PLCB4: variants seen among roughly 807,000 people sequenced by gnomAD.
PLCB4 encodes phospholipase C beta 4, also known as 1-phosphatidylinositol 4,5-bisphosphate phosphodiesterase beta-4.
In PLCB4, 77 loss-of-function variants were observed where a neutral mutation model predicts 178.8. That is an observed-to-expected ratio of 0.43 (90% CI 0.36 to 0.52). The LOEUF (loss-of-function observed/expected upper bound fraction) is 0.52. Among genes scored for constraint, PLCB4 ranks in the 20% least tolerant of loss-of-function variants. PLCB4 has a pLI of 0.00. For synonymous variants in PLCB4, 496 were observed against 490.8 expected (o/e 1.01, Z -0.14); for missense variants, 1,024 against 1,453.4 (o/e 0.70, Z 4.80).
Position 9,401,414 on chromosome 20 carries a change from A to G in PLCB4, c.1511-76A>G. On this transcript the variant is annotated intron_variant, in intron 19 of 39. Transcript: ENST00000378473. ...TTTTCTCTAAAAGTGCTTATGTTCT[A>G]CCCAAGATTGTGAACAAGGTCTGAC... The G allele has an allele frequency of 3.2e-6, 3 of 948,940 alleles. No individual in the cohort carries two copies. The South Asian group carries it at 4.1e-5, about 13-fold the overall frequency. 58.8% of individuals were successfully genotyped at this position (948,940 alleles called of 1,614,324 possible).
intron 2 of PLCB4, among the ~76,000 whole-genome samples, chr20:9,192,591 T>G (rs560819654): frequency 1.3e-5 from 2 of 149,500 alleles, no homozygotes; most frequent in East Asian, 4.1e-4. Flanking sequence ...AGTGGTGTGA[T>G]CACCGTTCAC....
intron 13 of PLCB4, among the ~76,000 whole-genome samples, chr20:9,382,479 T>C (rs2037225851): frequency 6.6e-6 from 1 of 152,224 alleles, no homozygotes; most frequent in African/African-American, 2.4e-5. Flanking sequence ...TGATGTAGCC[T>C]TTGGCTCCAT....
intron 3 of PLCB4, among the ~76,000 whole-genome samples, chr20:9,259,519 GAAAGAGAGGTTTAAAT>G (rs2094274865): frequency 6.6e-6 from 1 of 152,028 alleles, no homozygotes; most frequent in African/African-American, 2.4e-5. Context: ...GGTGAATTAA[GAAAGAGAGGTTTAAAT>G]ACAAGGCTGT....
intron 3 of PLCB4, among the ~76,000 whole-genome samples, chr20:9,272,287 G>T (rs559858944): frequency 1.3e-5 from 2 of 152,120 alleles, no homozygotes; most frequent in East Asian, 1.9e-4. Flanking sequence ...AATGAGGTTC[G>T]CTGTATCACT....
chr20:9,368,472 A>G (rs1315499110), intron 9 of PLCB4, among the ~76,000 whole-genome samples: 2 of 151,976 alleles, frequency 1.3e-5, no homozygotes. Context: ...GTAGCCAGAC[A>G]GTAGTTGTGG....
intron 35 of PLCB4, among the ~76,000 whole-genome samples, chr20:9,464,876 C>T (rs1344008398): frequency 6.6e-6 from 1 of 152,212 alleles, no homozygotes; most frequent in African/African-American, 2.4e-5. Flanking sequence ...GATACCATTC[C>T]TTCTGAAACT....
intron 2 of PLCB4, among the ~76,000 whole-genome samples, chr20:9,162,091 G>A (rs1421097641): frequency 2.6e-5 from 4 of 151,918 alleles, no homozygotes; most frequent in African/African-American, 7.3e-5. Context: ...TTAGTTTCAC[G>A]ATTCATTAGA....
At chr20:9,111,566 A>G (rs2091575369) in intron 2 of PLCB4, among the ~76,000 whole-genome samples, 1 of 152,150 alleles carries the variant, frequency 6.6e-6, no homozygotes, top group Non-Finnish European at 1.5e-5. Context: ...AAATGTTTCC[A>G]TCTTCCACCC....
chr20:9,338,054 G>A lies in PLCB4; in HGVS notation c.212G>A (p.Gly71Glu). 1 of 1,610,202 alleles carries A rather than the reference G, an allele frequency of 6.2e-7. No individual in the cohort carries two copies. The highest frequency in any genetic ancestry group is 1.1e-5 in the South Asian group (1 of 90,956). ...TCCCTCATCAACAGTATTCGGTCGG[G>A]AGCCATACCAAAGGTACCTGTGATT... ...ECSLINSIRS[G>E]AIPKDPKILA... Residue 71 changes from glycine (G) to glutamate (E), a missense_variant, in exon 6 of 40, where the codon GGA becomes GAA. Gly to Glu is a moderately conservative substitution (Grantham distance 98, BLOSUM62 -2). Transcript: ENST00000378473.
chr20:9,441,696 G>C (rs1001342033), intron 30 of PLCB4, among the ~76,000 whole-genome samples: 2 of 152,200 alleles, frequency 1.3e-5, no homozygotes, highest in African/African-American at 4.8e-5. Flanking sequence ...ACTCCTGTCA[G>C]CCTTTTCTTG....
chr20:9,170,418 A>G (rs2093044416), intron 2 of PLCB4, among the ~76,000 whole-genome samples: 1 of 152,128 alleles, frequency 6.6e-6, no homozygotes, highest in South Asian at 2.1e-4. Context: ...GATTCTTATC[A>G]TGTTTTATGA....
chr20:9,150,405 T>G (rs1213045644), intron 2 of PLCB4, among the ~76,000 whole-genome samples: 1 of 152,200 alleles, frequency 6.6e-6, no homozygotes, highest in Non-Finnish European at 1.5e-5. Context: ...TTCCATGATT[T>G]GTATACATAT....
intron 3 of PLCB4, among the ~76,000 whole-genome samples, chr20:9,302,192 A>G (rs1249824878): frequency 2.0e-5 from 3 of 151,844 alleles, no homozygotes; most frequent in African/African-American, 4.8e-5. Flanking sequence ...CAAGCCAGTT[A>G]GTTGGCTGTG....
At chr20:9,109,542 C>T (rs1314642699) in intron 2 of PLCB4, among the ~76,000 whole-genome samples, 1 of 151,906 alleles carries the variant, frequency 6.6e-6, no homozygotes, top group South Asian at 2.1e-4. Context: ...TCCCTACCAC[C>T]ACCCCTCTGC....
chr20:9,251,687 G>T (rs1174225697), intron 3 of PLCB4, among the ~76,000 whole-genome samples: 1 of 151,960 alleles, frequency 6.6e-6, no homozygotes, highest in Admixed American at 6.6e-5. Flanking sequence ...CTTCCCCTTA[G>T]TTCTTACCCA....
intron 3 of PLCB4, among the ~76,000 whole-genome samples, chr20:9,278,125 A>G (rs1325252954): frequency 6.6e-6 from 1 of 152,030 alleles, no homozygotes; most frequent in Non-Finnish European, 1.5e-5. Context: ...ACAGAATTCC[A>G]GTTGCACGGA....
intron 2 of PLCB4, among the ~76,000 whole-genome samples, chr20:9,104,150 A>G (rs1305396383): frequency 6.6e-6 from 1 of 152,168 alleles, no homozygotes; most frequent in Non-Finnish European, 1.5e-5. Context: ...CACTTTTGAG[A>G]TGATTCACCT....
At chr20:9,427,807 A>T (rs1848218470) in intron 28 of PLCB4, among the ~76,000 whole-genome samples, 1 of 152,170 alleles carries the variant, frequency 6.6e-6, no homozygotes, top group Non-Finnish European at 1.5e-5. Flanking sequence ...CAAATAAGAG[A>T]GTTGATGCTT....
Position 9,408,069 on chromosome 20 carries a change from A to G in PLCB4, c.1789+11A>G, listed in dbSNP as rs764235953. ...TCCATGTGGCAGAAGGTAACACCAA[A>G]GGTTAAATGCAGTCGCCTTTTTTGC... On this transcript the variant is annotated intron_variant, in intron 22 of 39. Coordinates refer to ENST00000378473, the MANE Select transcript of PLCB4 (RefSeq NM_001377142.1). 2 of 1,605,398 alleles carry G rather than the reference A, an allele frequency of 1.2e-6. No homozygotes were observed. Among genetic ancestry groups the G allele is most frequent in the Non-Finnish European group, 1.7e-6 (2 of 1,176,482 alleles).
Sources: gnomAD v4.1 joint callset for allele counts (sites outside exome capture counted in the v4.1 genomes callset) on GRCh38, gnomAD v4.1.1 for gene constraint, MANE v1.5 for transcripts, NCBI Gene and HGNC (gene_info 2026-07-23, HGNC 2026-07-21) for gene names.